The following FHL5 variants were observed in gnomAD, a reference collection of about 807,000 sequenced individuals.
FHL5 encodes four and a half LIM domains 5.
Under a neutral mutation model 32.0 loss-of-function variants are expected in FHL5, and 33 were observed. The ratio of observed to expected loss-of-function variants is 1.03; its 90% CI spans 0.78 to 1.38. The LOEUF is 1.38. Ranked by LOEUF, FHL5 falls within the 40% of genes most tolerant of loss-of-function variation. The probability of loss-of-function intolerance (pLI) is 0.00; values close to 1 mark genes in which losing one functional copy is unlikely to be tolerated. For missense variants in FHL5, 336 were observed against 343.9 expected, an observed-to-expected ratio of 0.98 and a Z score of 0.18; for synonymous variants, 114 against 113.6, an observed-to-expected ratio of 1.00 and a Z score of -0.02.
intron 1 of FHL5, among the ~76,000 whole-genome samples, chr6:96,582,630 T>G (rs1020021406): frequency 1.3e-5 from 2 of 152,114 alleles, no homozygotes; most frequent in Admixed American, 6.6e-5. Context: ...GTTCATCAGC[T>G]CTCTGGAGAA....
At chr6:96,600,074 T>C (rs1771117956) in intron 1 of FHL5, among the ~76,000 whole-genome samples, 1 of 152,186 alleles carries the variant, frequency 6.6e-6, no homozygotes, top group Non-Finnish European at 1.5e-5. Context: ...TCTATTAATG[T>C]TAGTGACAAA....
intron 1 of FHL5, among the ~76,000 whole-genome samples, chr6:96,571,992 C>G (rs1770488641): frequency 6.6e-6 from 1 of 152,056 alleles, no homozygotes; most frequent in African/African-American, 2.4e-5. Context: ...GACTCCACTC[C>G]CTAGATAGAG....
chr6:96,614,233 G>A (rs1057342193), intron 5 of FHL5, among the ~76,000 whole-genome samples: 1 of 146,238 alleles, frequency 6.8e-6, no homozygotes, highest in African/African-American at 2.5e-5. Context: ...CAAAATGCTA[G>A]ACATGTAATA....
chr6:96,582,309 G>A (rs921361045), intron 1 of FHL5, among the ~76,000 whole-genome samples: 3 of 151,796 alleles, frequency 2.0e-5, no homozygotes, highest in African/African-American at 7.3e-5. Flanking sequence ...ATCTTCAAAG[G>A]CAATACTCTC....
Position 96,584,601 on chromosome 6 carries a change from A to G in FHL5, c.-12-19001A>G, listed in dbSNP as rs1339989759. 2.0e-5 allele frequency among the ~76,000 whole-genome samples: 3 copies of G among 151,994 alleles called. 1 individual carries two copies. Among genetic ancestry groups the G allele is most frequent in the Admixed American group, 2.0e-4 (3 of 15,234 alleles). On this transcript the variant is annotated intron_variant, in intron 1 of 5. Coordinates refer to ENST00000450218, the MANE Select transcript of FHL5 (RefSeq NM_001322466.2). ...AGTTTAGATTTTATAGTCGAAGAAG[A>G]GCTGTTGGAAGTTTTTCACCAGAGA...
At chr6:96,601,196 C>A (rs1429793351) in intron 1 of FHL5, among the ~76,000 whole-genome samples, 1 of 151,886 alleles carries the variant, frequency 6.6e-6, no homozygotes, top group Non-Finnish European at 1.5e-5. Context: ...TAGCCAGGCA[C>A]GGTGGCATGA....
chr6:96,597,664 A>G (rs1771063873), intron 1 of FHL5, among the ~76,000 whole-genome samples: 1 of 152,108 alleles, frequency 6.6e-6, no homozygotes, highest in Non-Finnish European at 1.5e-5. Context: ...TTACCCTCTC[A>G]TGCTCTGCAA....
chr6:96,591,018 G>T (rs1210401772), intron 1 of FHL5, among the ~76,000 whole-genome samples: 3 of 152,024 alleles, frequency 2.0e-5, no homozygotes, highest in Non-Finnish European at 4.4e-5. Context: ...TTTATTGTCA[G>T]AAGTATTATG....
intron 1 of FHL5, among the ~76,000 whole-genome samples, chr6:96,565,046 AG>A (rs986184827): frequency 1.2e-4 from 18 of 152,252 alleles, no homozygotes; most frequent in African/African-American, 4.1e-4. Context: ...ACTTGAGCCC[AG>A]GGTTCAAGAC....
intron 1 of FHL5, among the ~76,000 whole-genome samples, chr6:96,596,976 T>C (rs577382812): frequency 1.0e-3 from 156 of 152,190 alleles, no homozygotes; most frequent in African/African-American, 3.6e-3. Flanking sequence ...TCCTACTGCA[T>C]CTTGCTCCCA....
chr6:96,568,025 T>C (rs1350358716), intron 1 of FHL5, among the ~76,000 whole-genome samples: 2 of 151,658 alleles, frequency 1.3e-5, no homozygotes, highest in Non-Finnish European at 3.0e-5. Context: ...CAGTACTCTT[T>C]TGAATAAAAG....
chr6:96,589,566 T>A (rs1770872545), intron 1 of FHL5, among the ~76,000 whole-genome samples: 1 of 152,060 alleles, frequency 6.6e-6, no homozygotes, highest in Non-Finnish European at 1.5e-5. Context: ...GTAGGACTTC[T>A]TCACATGTTT....
chr6:96,575,144 G>A (rs925056274), intron 1 of FHL5, among the ~76,000 whole-genome samples: 1 of 152,052 alleles, frequency 6.6e-6, no homozygotes, highest in Non-Finnish European at 1.5e-5. Context: ...TTAACATCCG[G>A]TTAACGAAAG....
At chr6:96,584,461 T>G (rs9486639) in intron 1 of FHL5, among the ~76,000 whole-genome samples, 2,418 of 84,956 alleles carry the variant, frequency 0.028, 44 homozygotes, top group African/African-American at 0.11. Flanking sequence ...GTGTGTGTGT[T>G]TGTGTGTGTG....
At chr6:96,598,048 A>T (rs1407048857) in intron 1 of FHL5, among the ~76,000 whole-genome samples, 2 of 152,190 alleles carry the variant, frequency 1.3e-5, no homozygotes, top group African/African-American at 2.4e-5. Context: ...AAGGAGTATT[A>T]AATATTATGG....
intron 1 of FHL5, among the ~76,000 whole-genome samples, chr6:96,599,447 G>A (rs1000281403): frequency 8.6e-5 from 13 of 151,986 alleles, no homozygotes; most frequent in African/African-American, 2.4e-4. Flanking sequence ...TGCCCACCTT[G>A]GCCTCCCAAA....
intron 1 of FHL5, among the ~76,000 whole-genome samples, chr6:96,567,884 T>C (rs942818434): frequency 6.0e-5 from 9 of 149,128 alleles, no homozygotes; most frequent in African/African-American, 2.2e-4. Context: ...AGTTCTGAGA[T>C]TTTTGGTGGA....
chr6:96,610,846 A>G, intron 5 of FHL5, 88 bp downstream of exon 5: 2 of 968,654 alleles, frequency 2.1e-6, no homozygotes, highest in Non-Finnish European at 3.1e-6. Flanking sequence ...AAGCAATTAA[A>G]AAATGGGAAG....
chr6:96,584,631 T>C (rs1770762822), intron 1 of FHL5, among the ~76,000 whole-genome samples: 1 of 152,092 alleles, frequency 6.6e-6, no homozygotes, highest in African/African-American at 2.4e-5. Context: ...CAGAGAAAGA[T>C]GATCAGATGA....
Sources: allele counts gnomAD v4.1 joint callset (sites outside exome capture counted in the v4.1 genomes callset), GRCh38; gene constraint gnomAD v4.1.1; transcripts MANE v1.5; gene names NCBI Gene and HGNC (gene_info 2026-07-23, HGNC 2026-07-21).